The following EYS variants were observed in gnomAD, a reference collection of about 807,000 sequenced individuals.
The protein encoded by EYS is protein eyes shut homolog.
EYS carries 250 observed loss-of-function variants against 282.1 expected under a neutral mutation model. The ratio of observed to expected loss-of-function variants is 0.89; its 90% confidence interval spans 0.80 to 0.98. EYS has a LOEUF of 0.98. Among genes scored for constraint, EYS ranks in the 50% least tolerant of loss-of-function variants. EYS has a pLI of 0.00. For synonymous variants in EYS, 1,355 were observed against 1,282.9 expected (o/e 1.06, Z -1.20); for missense variants, 4,016 against 3,709.0 (o/e 1.08, Z -2.15).
chr6:64,426,671 GGGGTT>G (rs71697119), intron 28 of EYS, among the ~76,000 whole-genome samples: 3,615 of 152,224 alleles, frequency 0.024, 75 homozygotes, highest in African/African-American at 0.06. Context: ...GGTTGGCAGA[GGGGTT>G]GGCTTTGGAT....
chr6:64,256,118 CTT>C (rs1387989256), intron 30 of EYS, among the ~76,000 whole-genome samples: 3 of 151,934 alleles, frequency 2.0e-5, no homozygotes, highest in Non-Finnish European at 4.4e-5. Context: ...TCATAATACT[CTT>C]AATTTTGACA....
intron 36 of EYS, among the ~76,000 whole-genome samples, chr6:63,842,675 C>A (rs945801206): frequency 1.5e-4 from 23 of 152,114 alleles, no homozygotes; most frequent in Non-Finnish European, 4.4e-5. Context: ...GTCATGAAGT[C>A]TTTGCCCATG....
intron 41 of EYS, among the ~76,000 whole-genome samples, chr6:63,736,634 G>T (rs996241113): frequency 4.6e-5 from 7 of 152,226 alleles, no homozygotes; most frequent in Non-Finnish European, 8.8e-5. Flanking sequence ...AAAGTCATTG[G>T]TAGCTTGATG....
intron 5 of EYS, among the ~76,000 whole-genome samples, chr6:65,468,338 A>G (rs1765082922): frequency 1.3e-5 from 2 of 152,118 alleles, no homozygotes; most frequent in Non-Finnish European, 2.9e-5. Flanking sequence ...TTTTATTCTT[A>G]CTTCCTCTAG....
At chr6:65,695,260 G>T (rs1245156906) in intron 1 of EYS, among the ~76,000 whole-genome samples, 1 of 151,828 alleles carries the variant, frequency 6.6e-6, no homozygotes, top group Non-Finnish European at 1.5e-5. Flanking sequence ...AATATAGATT[G>T]CAAAATTAGA....
chr6:65,604,013 T>C (rs1582507773), intron 2 of EYS, among the ~76,000 whole-genome samples: 1 of 151,864 alleles, frequency 6.6e-6, no homozygotes, highest in African/African-American at 2.4e-5. Flanking sequence ...GGTACTTATA[T>C]GTGAATTATT....
chr6:64,924,490 A>G (rs999324752), intron 15 of EYS, among the ~76,000 whole-genome samples: 7 of 152,120 alleles, frequency 4.6e-5, no homozygotes, highest in African/African-American at 1.7e-4. Flanking sequence ...ACTTATGCAA[A>G]TTTCTGCAGC....
intron 30 of EYS, among the ~76,000 whole-genome samples, chr6:64,271,668 T>A (rs1273784213): frequency 6.6e-6 from 1 of 151,442 alleles, no homozygotes; most frequent in Non-Finnish European, 1.5e-5. Context: ...TTAATTCAAT[T>A]GAAATTGATT....
intron 26 of EYS, among the ~76,000 whole-genome samples, chr6:64,487,767 T>C (rs1231099608): frequency 2.0e-5 from 3 of 150,760 alleles, no homozygotes; most frequent in Admixed American, 2.0e-4. Context: ...AAGGTGTACC[T>C]ACAGCATAAT....
chr6:64,637,666 T>A lies in EYS; in HGVS notation c.3444-11421A>T, dbSNP rs1204438258. Among the ~76,000 whole-genome samples the A allele has an allele frequency of 2.2e-5, 2 of 90,210 alleles. 1 individual carries two copies. Among genetic ancestry groups the A allele is most frequent in the Non-Finnish European group, 4.8e-5 (2 of 42,066 alleles). 59.2% of individuals were successfully genotyped at this position (90,210 alleles called of 152,430 possible). A position where few individuals can be genotyped will look rare whatever the true frequency, so the allele number is the denominator to read the frequency against. ...ACCTGGACAATGAAACTTACCTCAA[T>A]CTATCACCACGTCTACATTACTCTA... On this transcript the variant is annotated intron_variant, in intron 22 of 42. Transcript: ENST00000503581.
chr6:65,144,719 C>T (rs903832482), intron 12 of EYS, among the ~76,000 whole-genome samples: 1 of 151,576 alleles, frequency 6.6e-6, no homozygotes, highest in Non-Finnish European at 1.5e-5. Context: ...TTCACTGTGT[C>T]TACTCATAAT....
chr6:65,115,669 T>C (rs113873905), intron 12 of EYS, among the ~76,000 whole-genome samples: 1 of 152,262 alleles, frequency 6.6e-6, no homozygotes, highest in Non-Finnish European at 1.5e-5. Flanking sequence ...TGAACCCATG[T>C]TCAGGATTTT....
rs558418962 is a variant in EYS, at chr6:64,545,454, C to T, written c.5644+44769G>A. On this transcript the variant is annotated intron_variant, in intron 26 of 42. Transcript: ENST00000503581. ...AAACTGGAGGCATTCCCTTTGAAAACTGGCACAAGACAGGGATGCCCTCTC... is the reference window on the plus strand; with the variant it reads ...AAACTGGAGGCATTCCCTTTGAAAATTGGCACAAGACAGGGATGCCCTCTC... Among the ~76,000 whole-genome samples the T allele has an allele frequency of 2.0e-5, 3 of 152,316 alleles. No individual in the cohort carries two copies. The East Asian group carries it at 5.8e-4, about 29-fold the overall frequency.
intron 35 of EYS, among the ~76,000 whole-genome samples, chr6:63,892,001 T>G (rs968978781): frequency 3.3e-5 from 5 of 152,084 alleles, no homozygotes; most frequent in African/African-American, 4.8e-5. Context: ...AGAGTAAAAT[T>G]CCTATCAATA....
intron 24 of EYS, among the ~76,000 whole-genome samples, chr6:64,603,740 A>T (rs146216653): frequency 1.2e-3 from 180 of 152,176 alleles, no homozygotes; most frequent in African/African-American, 3.9e-3. Flanking sequence ...TGAAGAAGTA[A>T]GTGTGATCTA....
intron 1 of EYS, among the ~76,000 whole-genome samples, chr6:65,678,933 T>C (rs1338330791): frequency 1.3e-5 from 2 of 151,530 alleles, no homozygotes; most frequent in East Asian, 3.9e-4. Flanking sequence ...CTCTTATAGA[T>C]GGCCGACATC....
At chr6:64,648,702 T>A (rs1019614541) in intron 22 of EYS, among the ~76,000 whole-genome samples, 1 of 151,530 alleles carries the variant, frequency 6.6e-6, no homozygotes, top group Admixed American at 6.6e-5. Context: ...AAAAGAAAGA[T>A]AGACTGATAA....
chr6:63,722,491 C>G (rs927689926), intron 42 of EYS, among the ~76,000 whole-genome samples: 2 of 152,056 alleles, frequency 1.3e-5, no homozygotes, highest in African/African-American at 4.8e-5. Context: ...GAAATAGGAA[C>G]AAATACCATC....
At chr6:65,595,578 T>C (rs1765375755) in intron 2 of EYS, among the ~76,000 whole-genome samples, 1 of 151,964 alleles carries the variant, frequency 6.6e-6, no homozygotes, top group Non-Finnish European at 1.5e-5. Context: ...ACAGGACCAT[T>C]TGGAATCTAA....
Sources: allele counts gnomAD v4.1 joint callset (sites outside exome capture counted in the v4.1 genomes callset), GRCh38; gene constraint gnomAD v4.1.1; transcripts MANE v1.5; gene names NCBI Gene and HGNC (gene_info 2026-07-23, HGNC 2026-07-21).